The following EML4 variants were observed in gnomAD, a reference collection of about 807,000 sequenced individuals.
EML4 encodes EMAP like 4.
Under a neutral mutation model 129.0 loss-of-function variants are expected in EML4, and 72 were observed. That is an observed-to-expected ratio of 0.56 (90% CI 0.46 to 0.68). The LOEUF (loss-of-function observed/expected upper bound fraction) is 0.68, where lower values mean the gene tolerates loss of function less well. EML4 is among the 30% of genes least tolerant of loss of function. EML4 has a pLI of 0.00. For synonymous variants in EML4, 532 were observed against 405.0 expected (o/e 1.31, Z -3.77); for missense variants, 1,363 against 1,190.6 (o/e 1.14, Z -2.13).
chr2:42,188,516 C>A (rs972525573), intron 1 of EML4, among the ~76,000 whole-genome samples: 18 of 151,978 alleles, frequency 1.2e-4, no homozygotes, highest in East Asian at 3.9e-4. Flanking sequence ...AACCACTGCT[C>A]CTGGGTACTT....
At chr2:42,275,885 G>A (rs377347772) in intron 6 of EML4, among the ~76,000 whole-genome samples, 10 of 152,076 alleles carry the variant, frequency 6.6e-5, no homozygotes, top group Admixed American at 3.9e-4. Flanking sequence ...TGGACCACCA[G>A]ACTTTGTATT....
At chr2:42,189,591 A>C (rs1444079454) in intron 1 of EML4, among the ~76,000 whole-genome samples, 1 of 152,210 alleles carries the variant, frequency 6.6e-6, no homozygotes, top group African/African-American at 2.4e-5. Flanking sequence ...AATAAATGAT[A>C]ATAAAATTAC....
intron 1 of EML4, among the ~76,000 whole-genome samples, chr2:42,201,968 A>G (rs1177499016): frequency 6.6e-6 from 1 of 152,134 alleles, no homozygotes; most frequent in Non-Finnish European, 1.5e-5. Context: ...CTGTAATCCC[A>G]GCTCCTCAGG....
chr2:42,303,366 C>G lies in EML4; in HGVS notation c.1819C>G (p.Leu607Val), dbSNP rs948683878. 5 of 1,613,978 alleles carry G rather than the reference C, an allele frequency of 3.1e-6. No individual in the cohort carries two copies. Among genetic ancestry groups the G allele is most frequent in the Admixed American group, 3.3e-5 (2 of 60,000 alleles). The change falls in exon 16 of 23, where the codon CTC (leucine) becomes GTC (valine). Residue 607 changes from leucine to valine, a missense_variant. Coordinates refer to ENST00000318522, the MANE Select transcript of EML4 (RefSeq NM_019063.5). The part of the protein sequence containing the change: ...GLATHPFKDL[L>V]LTCAQDRQVC... ...TGCCACACATCCCTTCAAAGATTTG[C>G]TCTTGACATGTGCTCAGGACAGGCA...
chr2:42,263,154 C>G (rs1358456214), intron 4 of EML4, 24 bp from the exon 5 acceptor site: 3 of 1,592,608 alleles, frequency 1.9e-6, no homozygotes, highest in Non-Finnish European at 1.7e-6. Context: ...GAATTTTTCT[C>G]TAAGAAATTA....
At position 42,284,718 on chromosome 2, in the gene EML4, G is replaced by T. The variant is rs373519389; in HGVS notation, c.1011+15G>T. ...AAGATGGAAGGGTGAGTGGCATAGT[G>T]TTATGCCTTCTGTACCTAGAGACAT... On this transcript the variant is annotated intron_variant, in intron 9 of 22. Transcript: ENST00000318522. 1.2e-4 allele frequency: 186 copies of T among 1,590,752 alleles called. No individual in the cohort carries two copies. The highest frequency in any genetic ancestry group is 1.6e-4 in the Non-Finnish European group (182 of 1,161,676).
chr2:42,300,134 A>T (rs1214013036), intron 13 of EML4, among the ~76,000 whole-genome samples: 1 of 152,254 alleles, frequency 6.6e-6, no homozygotes, highest in Non-Finnish European at 1.5e-5. Flanking sequence ...GTTTTAGAAA[A>T]TGAATAGTTG....
chr2:42,215,784 T>C (rs1673148742), intron 1 of EML4, among the ~76,000 whole-genome samples: 1 of 152,196 alleles, frequency 6.6e-6, no homozygotes. Flanking sequence ...CCTTCTCCCT[T>C]TGAGAACTTA....
At chr2:42,271,085 G>C (rs1666335829) in intron 6 of EML4, among the ~76,000 whole-genome samples, 1 of 152,016 alleles carries the variant, frequency 6.6e-6, no homozygotes, top group Admixed American at 6.6e-5. Context: ...GTAGAGACAA[G>C]GTTTCGCCAT....
At chr2:42,171,931 C>T (rs1297309387) in intron 1 of EML4, among the ~76,000 whole-genome samples, 8 of 152,114 alleles carry the variant, frequency 5.3e-5, no homozygotes, top group Non-Finnish European at 1.0e-4. Context: ...CAGCTCTTGC[C>T]AAATTGCTTG....
chr2:42,272,897 A>T (rs2104431071), intron 6 of EML4, among the ~76,000 whole-genome samples: 1 of 152,314 alleles, frequency 6.6e-6, no homozygotes, highest in Middle Eastern at 3.4e-3. Flanking sequence ...ATTTTAAAAA[A>T]TTGGACAGCC....
At chr2:42,294,865 GT>G (rs1462812484) in intron 11 of EML4, among the ~76,000 whole-genome samples, 2 of 152,176 alleles carry the variant, frequency 1.3e-5, no homozygotes, top group African/African-American at 4.8e-5. Context: ...TGTGCAAGAA[GT>G]TAAAGGTATT....
At position 42,314,303 on chromosome 2, in the gene EML4, G is replaced by A. The variant is rs767035584; in HGVS notation, c.1968-1659G>A. 1.3e-3 allele frequency among the ~76,000 whole-genome samples: 203 copies of A among 152,242 alleles called. 2 individuals carry two copies. Among genetic ancestry groups the A allele is most frequent in the Non-Finnish European group, 5.0e-4 (34 of 68,022 alleles). ...GAACCCAGGAGGCGGAGGTTGCAGT[G>A]AGTCAAGATCGTGCCACTGCACTCC... On this transcript the variant is annotated intron_variant, in intron 17 of 22. Transcript: ENST00000318522.
At chr2:42,305,847 A>C (rs1449864337) in intron 17 of EML4, among the ~76,000 whole-genome samples, 3 of 151,226 alleles carry the variant, frequency 2.0e-5, no homozygotes, top group African/African-American at 7.3e-5. Context: ...TAAACCAACT[A>C]ATTCATTTAA....
At chr2:42,224,166 C>T (rs1489515384) in intron 1 of EML4, among the ~76,000 whole-genome samples, 2 of 151,914 alleles carry the variant, frequency 1.3e-5, no homozygotes, top group Non-Finnish European at 2.9e-5. Flanking sequence ...ATATTTTTAC[C>T]ACAATAAGAA....
intron 1 of EML4, among the ~76,000 whole-genome samples, chr2:42,220,236 A>ATT (rs56896362): frequency 3.6e-5 from 5 of 140,136 alleles, no homozygotes; most frequent in African/African-American, 7.9e-5. Flanking sequence ...CAGATACTGT[A>ATT]TTTTTTTTTT....
At chr2:42,172,746 A>G (rs181323668) in intron 1 of EML4, among the ~76,000 whole-genome samples, 3 of 152,224 alleles carry the variant, frequency 2.0e-5, no homozygotes, top group Admixed American at 2.0e-4. Context: ...TGCAAAATGT[A>G]TATACTGTAT....
At chr2:42,250,934 G>C (rs969309282) in intron 2 of EML4, among the ~76,000 whole-genome samples, 3 of 152,142 alleles carry the variant, frequency 2.0e-5, no homozygotes, top group African/African-American at 7.2e-5. Context: ...TCAGGCATTA[G>C]ATTCTCATAG....
intron 1 of EML4, among the ~76,000 whole-genome samples, chr2:42,200,028 G>A (rs531450921): frequency 3.9e-5 from 6 of 152,060 alleles, no homozygotes; most frequent in South Asian, 2.1e-4. Flanking sequence ...TAGAAATACC[G>A]GCCAGGCGCG....
Sources: allele counts gnomAD v4.1 joint callset (sites outside exome capture counted in the v4.1 genomes callset), GRCh38; gene constraint gnomAD v4.1.1; transcripts MANE v1.5; gene names NCBI Gene and HGNC (gene_info 2026-07-23, HGNC 2026-07-21).